THRB: variants seen among roughly 807,000 people sequenced by gnomAD.
THRB encodes nuclear receptor subfamily 1 group A member 2.
THRB carries 12 observed loss-of-function variants against 47.8 expected under a neutral mutation model. That is an observed-to-expected ratio of 0.25 (90% CI 0.16 to 0.41). The LOEUF (loss-of-function observed/expected upper bound fraction) is 0.41. Ranked by LOEUF, THRB falls within the 10% of genes least tolerant of loss-of-function variation. The pLI is 1.00. For synonymous variants in THRB, 218 were observed against 212.2 expected, an observed-to-expected ratio of 1.03 and a Z score of -0.24; for missense variants, 348 against 589.2, an observed-to-expected ratio of 0.59 and a Z score of 4.24.
intron 2 of THRB, among the ~76,000 whole-genome samples, chr3:24,311,362 G>A (rs2057746353): frequency 6.6e-6 from 1 of 152,036 alleles, no homozygotes; most frequent in Non-Finnish European, 1.5e-5. Flanking sequence ...TCTTGGCCAG[G>A]GCTTAAGCAA....
chr3:24,481,937 G>A (rs1696503654), intron 1 of THRB, among the ~76,000 whole-genome samples: 1 of 151,968 alleles, frequency 6.6e-6, no homozygotes, highest in Non-Finnish European at 1.5e-5. Context: ...TGCAAACCCT[G>A]AGGGATCATT....
chr3:24,173,132 C>T (rs1030382738), intron 5 of THRB, among the ~76,000 whole-genome samples: 11 of 152,246 alleles, frequency 7.2e-5, no homozygotes, highest in Non-Finnish European at 1.6e-4. Flanking sequence ...CCAACTGGAT[C>T]GTAAACTCTG....
intron 1 of THRB, among the ~76,000 whole-genome samples, chr3:24,462,057 A>G (rs2073748919): frequency 6.6e-6 from 1 of 152,214 alleles, no homozygotes; most frequent in South Asian, 2.1e-4. Context: ...AAGGAAATAC[A>G]CCAACATTTC....
intron 8 of THRB, among the ~76,000 whole-genome samples, chr3:24,140,677 T>G (rs2035321489): frequency 6.6e-6 from 1 of 152,208 alleles, no homozygotes; most frequent in African/African-American, 2.4e-5. Flanking sequence ...TGACCCAACC[T>G]TAGAAGTAAC....
intron 1 of THRB, among the ~76,000 whole-genome samples, chr3:24,422,662 C>T (rs2069379999): frequency 6.6e-6 from 1 of 151,854 alleles, no homozygotes; most frequent in Admixed American, 6.6e-5. Flanking sequence ...GATTCTTCAC[C>T]TCCCTGGCCT....
intron 3 of THRB, among the ~76,000 whole-genome samples, chr3:24,256,233 G>A (rs1021405140): frequency 2.0e-5 from 3 of 152,092 alleles, no homozygotes; most frequent in African/African-American, 4.8e-5. Flanking sequence ...AATGGTCACT[G>A]GATTTAGCAA....
At chr3:24,348,697 A>C (rs1024555357) in intron 1 of THRB, 2 of 152,242 alleles carry the variant, frequency 1.3e-5, no homozygotes, top group Admixed American at 6.5e-5. Flanking sequence ...TAAAGACCTC[A>C]CAAGGGGGAT....
At chr3:24,220,373 C>T (rs2047028938) in intron 4 of THRB, among the ~76,000 whole-genome samples, 1 of 152,196 alleles carries the variant, frequency 6.6e-6, no homozygotes, top group African/African-American at 2.4e-5. Flanking sequence ...TTCCTGTAGT[C>T]CCAGCTACTC....
At chr3:24,366,713 C>T (rs772095428) in intron 1 of THRB, among the ~76,000 whole-genome samples, 3 of 151,120 alleles carry the variant, frequency 2.0e-5, no homozygotes, top group Admixed American at 1.3e-4. Flanking sequence ...CTCAGCCTCC[C>T]GGGTTCAAGC....
chr3:24,486,932 A>C (rs991072268), intron 1 of THRB, among the ~76,000 whole-genome samples: 1 of 152,226 alleles, frequency 6.6e-6, no homozygotes, highest in African/African-American at 2.4e-5. Flanking sequence ...ATTGCAGTGA[A>C]GCCTAGGTAA....
intron 1 of THRB, among the ~76,000 whole-genome samples, chr3:24,492,491 C>T (rs999418198): frequency 1.3e-5 from 2 of 152,062 alleles, no homozygotes; most frequent in Admixed American, 6.6e-5. Flanking sequence ...ATGAGAAGAC[C>T]AGGGCGAAGA....
chr3:24,273,299 C>T (rs866795949), intron 3 of THRB, among the ~76,000 whole-genome samples: 7 of 152,118 alleles, frequency 4.6e-5, no homozygotes, highest in African/African-American at 1.2e-4. Context: ...CCTTTAAGTG[C>T]TTGGGGTAAT....
intron 1 of THRB, among the ~76,000 whole-genome samples, chr3:24,484,292 T>C: frequency 6.6e-6 from 1 of 152,216 alleles, no homozygotes; most frequent in East Asian, 1.9e-4. Flanking sequence ...ATTTACTTTT[T>C]CATGGAATTT....
Position 24,186,828 on chromosome 3 carries a change from C to G in THRB, c.283+3246G>C, listed in dbSNP as rs9811772. 7.5e-3 allele frequency among the ~76,000 whole-genome samples: 1,136 copies of G among 151,428 alleles called. 12 individuals are homozygous for G. Among genetic ancestry groups the G allele is most frequent in the African/African-American group, 0.026 (1,083 of 41,236 alleles). On this transcript the variant is annotated intron_variant, in intron 5 of 10. Transcript: ENST00000646209. ...GGGCATGTGGTGCATGCTTGTAATC[C>G]CAGCTACTCAGGAGGCTGAGGCAGG...
At chr3:24,270,673 G>C (rs995807753) in intron 3 of THRB, among the ~76,000 whole-genome samples, 1 of 152,230 alleles carries the variant, frequency 6.6e-6, no homozygotes, top group Non-Finnish European at 1.5e-5. Flanking sequence ...AAATCAGACA[G>C]TGTCCTGGAA....
intron 3 of THRB, among the ~76,000 whole-genome samples, chr3:24,292,155 CAT>C (rs1427413987): frequency 6.6e-6 from 1 of 151,984 alleles, no homozygotes; most frequent in Non-Finnish European, 1.5e-5. Flanking sequence ...TGTGTGTGCA[CAT>C]GTTTGTACTA....
Position 24,444,899 on chromosome 3 carries a change from T to C in THRB, c.-261+49753A>G, listed in dbSNP as rs150725031. 6.8e-4 allele frequency among the ~76,000 whole-genome samples: 103 copies of C among 152,316 alleles called. 1 individual carries two copies. Among genetic ancestry groups the C allele is most frequent in the African/African-American group, 2.4e-3 (99 of 41,570 alleles). On this transcript the variant is annotated intron_variant, in intron 1 of 10. Coordinates refer to ENST00000646209, the MANE Select transcript of THRB (RefSeq NM_001354712.2). Reference sequence around the variant, plus strand: ...GTGCCCGGTCCAAGATTTTTTAAATTTGAAAATTAATTCCAATACTCACCT... The same window carrying C: ...GTGCCCGGTCCAAGATTTTTTAAATCTGAAAATTAATTCCAATACTCACCT...
In THRB at chr3:24,121,058, T is replaced by A. The variant is rs1275417134; in HGVS notation, c.*1826A>T. ...CAATAACAAATTTACGTTCCTTAAC[T>A]GTTAAGTGGGCCATACTTCTTGTCT... On this transcript the variant is annotated 3_prime_UTR_variant, in exon 11 of 11. Transcript: ENST00000646209. 1 of 152,222 alleles carries A rather than the reference T, an allele frequency of 6.6e-6. No homozygotes were observed. The highest frequency in any genetic ancestry group is 2.4e-5 in the African/African-American group (1 of 41,458). The allele number at this position is 152,222 out of a possible 1,614,324, so 9.4% of individuals were successfully genotyped here.
At chr3:24,175,050 C>G (rs1180409557) in intron 5 of THRB, among the ~76,000 whole-genome samples, 1 of 152,192 alleles carries the variant, frequency 6.6e-6, no homozygotes, top group Non-Finnish European at 1.5e-5. Context: ...CATCTGTCCT[C>G]TTTGATGAGT....
Sources: allele counts gnomAD v4.1 joint callset (sites outside exome capture counted in the v4.1 genomes callset), GRCh38; gene constraint gnomAD v4.1.1; transcripts MANE v1.5; gene names NCBI Gene and HGNC (gene_info 2026-07-23, HGNC 2026-07-21).